The following TTN variants were observed in gnomAD, a reference collection of about 807,000 sequenced individuals.
TTN encodes connectin.
In TTN, 1,525 loss-of-function variants were observed where a neutral mutation model predicts 3,223.0. That is an observed-to-expected ratio of 0.47 (90% CI 0.45 to 0.49). The LOEUF (loss-of-function observed/expected upper bound fraction) is 0.49, where lower values mean the gene tolerates loss of function less well. Ranked by LOEUF, TTN falls within the 20% of genes least tolerant of loss-of-function variation. TTN has a pLI of 0.00. For missense variants in TTN, 40,786 were observed against 43,424.0 expected, an observed-to-expected ratio of 0.94 and a Z score of 5.40; for synonymous variants, 14,094 against 15,161.0, an observed-to-expected ratio of 0.93 and a Z score of 5.17.
intron 163 of TTN, among the ~76,000 whole-genome samples, chr2:178,666,351 A>ATGT (rs1553797595): frequency 6.6e-6 from 1 of 151,800 alleles, no homozygotes. Flanking sequence ...AATGAAAAAA[A>ATGT]ATGATGCTTG....
At chr2:178,793,162 C>T (rs139935937) in intron 9 of TTN, among the ~76,000 whole-genome samples, 111 of 152,234 alleles carry the variant, frequency 7.3e-4, no homozygotes, top group African/African-American at 2.6e-3. Flanking sequence ...GTGATGAGAC[C>T]CCTGTTTCTA....
At position 178,546,641 on chromosome 2, in the gene TTN, C is replaced by G; in HGVS notation, c.94787G>C (p.Gly31596Ala). 6.2e-7 allele frequency: 1 copy of G among 1,613,384 alleles called. No homozygotes were observed. The highest frequency in any genetic ancestry group is 8.5e-7 in the Non-Finnish European group (1 of 1,179,484). ...AKNAAGVISK[G>A]SESTGPVTCR... ...AGTGACAGGGCCTGTAGATTCAGAC[C>G]CTTTGCTAATTACGCCTGCTGCATT... Residue 31596 changes from glycine (G) to alanine (A), a missense_variant, in exon 341 of 363, where the codon GGG (glycine) becomes GCG (alanine). Gly to Ala is a moderately conservative substitution (Grantham distance 60, BLOSUM62 0). Transcript: ENST00000589042.
At chr2:178,733,167 C>T (rs778802872) in intron 54 of TTN, 46 bp from the exon 55 acceptor site, 1 of 1,558,044 alleles carries the variant, frequency 6.4e-7, no homozygotes, top group South Asian at 1.2e-5. Context: ...TAGAAGAGTG[C>T]TCAGTGATTG....
chr2:178,647,842 T>C (rs1363810804), intron 213 of TTN, among the ~76,000 whole-genome samples: 2 of 152,156 alleles, frequency 1.3e-5, no homozygotes, highest in African/African-American at 4.8e-5. Flanking sequence ...TTTTATGCTT[T>C]AAAGGTGAAA....
At position 178,610,104 on chromosome 2, in the gene TTN, G is replaced by T; in HGVS notation, c.51422C>A (p.Ala17141Asp). The T allele has an allele frequency of 6.2e-7, 1 of 1,612,756 alleles. No individual in the cohort carries two copies. Among genetic ancestry groups the T allele is most frequent in the East Asian group, 2.2e-5 (1 of 44,628 alleles). ...EYIELKNPVI[A>D]QDPKQPPDPP... ...TCCAAACTTACGCTTTGGATCTTGA[G>T]CAATGACTGGATTTTTCAGTTCAAT... Residue 17141 changes from alanine to aspartate, a missense_variant, in exon 271 of 363, where the codon GCT (alanine) becomes GAT (aspartate). Transcript: ENST00000589042.
Position 178,730,195 on chromosome 2 carries a change from G to T in TTN, c.18205C>A (p.Leu6069Ile). The T allele has an allele frequency of 6.2e-7, 1 of 1,613,494 alleles. No homozygotes were observed. Among genetic ancestry groups the T allele is most frequent in the South Asian group, 1.1e-5 (1 of 91,054 alleles). Reference sequence around the variant, plus strand: ...GTAGCTTTGGCTGCAAAGAGCTCTAGACTGGTAGAGGTGTCATCCTTCCAA... The same window carrying T: ...GTAGCTTTGGCTGCAAAGAGCTCTATACTGGTAGAGGTGTCATCCTTCCAA... ...SVWKDDTSTS[L>I]ELFAAKATDS... The change falls in exon 62 of 363, where the codon CTA becomes ATA. Residue 6069 changes from leucine to isoleucine, a missense_variant. By Grantham distance (5) the Leu-to-Ile change is conservative. Transcript: ENST00000589042.
At chr2:178,685,080 G>T in intron 129 of TTN, 91 bp from the exon 130 acceptor site, 1 of 1,222,296 alleles carries the variant, frequency 8.2e-7, no homozygotes, top group Non-Finnish European at 1.2e-6. Context: ...TGAAAAGATT[G>T]CACATATATA....
rs1285315927 is a variant in TTN, at chr2:178,704,706, GTCAATT to G, written c.29760_29765del (p.Glu9920_Ile9921del). ...TGATTTCTGGATAATTAATTTTAAT[GTCAATT>G]TCAAAGACAGCATCATTATCTTTCA... On this transcript the variant is annotated inframe_deletion, in exon 105 of 363. Coordinates refer to ENST00000589042, the MANE Select transcript of TTN (RefSeq NM_001267550.2). The G allele has an allele frequency of 1.2e-6, 2 of 1,611,148 alleles. No individual in the cohort carries two copies. The highest frequency in any genetic ancestry group is 1.7e-6 in the Non-Finnish European group (2 of 1,179,168).
At chr2:178,588,337 C>G (rs970245586) in intron 304 of TTN, 118 bp from the exon 305 acceptor site, 1 of 1,152,298 alleles carries the variant, frequency 8.7e-7, no homozygotes, top group Admixed American at 3.2e-5. Flanking sequence ...TTAGTGTCCT[C>G]TTTATTTTCC....
Position 178,684,369 on chromosome 2 carries a change from C to T in TTN, c.32683G>A (p.Val10895Ile), listed in dbSNP as rs794729408. The T allele has an allele frequency of 6.2e-7, 1 of 1,613,396 alleles. No individual in the cohort carries two copies. The highest frequency in any genetic ancestry group is 1.1e-5 in the South Asian group (1 of 91,032). Reference sequence around the variant, plus strand: ...GGCGCCTCTTTTTTAGTTACAGCAACAAGAACTTTTTCTTCCTGGGTAATT... The same window carrying T: ...GGCGCCTCTTTTTTAGTTACAGCAATAAGAACTTTTTCTTCCTGGGTAATT... ...MQITQEEKVL[V>I]AVTKKEAPPK... The change falls in exon 132 of 363, where the codon GTT becomes ATT. Residue 10895 changes from valine to isoleucine, a missense_variant. Physicochemically the swap from Val to Ile is conservative, Grantham distance 29. Transcript: ENST00000589042.
chr2:178,620,813 A>T lies in TTN; in HGVS notation c.45797T>A (p.Ile15266Asn), dbSNP rs1214768698. 6.2e-7 allele frequency: 1 copy of T among 1,612,804 alleles called. No homozygotes were observed. The highest frequency in any genetic ancestry group is 2.2e-5 in the East Asian group (1 of 44,754). Residue 15266 changes from isoleucine to asparagine, a missense_variant, in exon 247 of 363, where the codon ATT becomes AAT. Coordinates refer to ENST00000589042, the MANE Select transcript of TTN (RefSeq NM_001267550.2). ...LQKDLVYTLR[I>N]RDAHLDDQAN... ...TTGGTCATCTAAGTGTGCATCTCTA[A>T]TTCTGAGGGTGTAGACTAGGTCTTT...
In TTN at chr2:178,565,548, T is replaced by G; in HGVS notation, c.80584A>C (p.Ser26862Arg). 3 of 1,613,598 alleles carry G rather than the reference T, an allele frequency of 1.9e-6. No homozygotes were observed. The highest frequency in any genetic ancestry group is 1.7e-6 in the Non-Finnish European group (2 of 1,179,630). Residue 26862 changes from serine to arginine, a missense_variant, in exon 326 of 363, where the codon AGC becomes CGC. Physicochemically the swap from Ser to Arg is moderately radical, Grantham distance 110. Coordinates refer to ENST00000589042, the MANE Select transcript of TTN (RefSeq NM_001267550.2). ...GGAACACCCAACACTCTTGGATCGC[T>G]TTTTCCTTTCTCATTATAAGCCTTG... Reference protein sequence around the residue: ...RVKAYNEKGKSDPRVLGVPVI... With the variant: ...RVKAYNEKGKRDPRVLGVPVI...
Position 178,719,793 on chromosome 2 carries a change from A to G in TTN, c.23699T>C (p.Val7900Ala). ...TAATGCAAAAGGATTTCCAGTAGTG[A>G]CAGTCATGGGTTCGGGCTTCTCTAT... ...RIIEKPEPMT[V>A]TTGNPFALEC... The change falls in exon 82 of 363, where the codon GTC (valine) becomes GCC (alanine). Residue 7900 changes from valine to alanine, a missense_variant. Coordinates refer to ENST00000589042, the MANE Select transcript of TTN (RefSeq NM_001267550.2). 2 of 1,613,202 alleles carry G rather than the reference A, an allele frequency of 1.2e-6. No homozygotes were observed. Among genetic ancestry groups the G allele is most frequent in the Non-Finnish European group, 1.7e-6 (2 of 1,179,344 alleles).
rs369002632 is a variant in TTN at position 178,652,115 on chromosome 2, C to T, written c.39276G>A (p.Pro13092=). 93 of 1,612,544 alleles carry T rather than the reference C, an allele frequency of 5.8e-5. No homozygotes were observed. The highest frequency in any genetic ancestry group is 7.0e-5 in the Non-Finnish European group (83 of 1,179,612). The change falls in exon 204 of 363, where the codon CCG becomes CCA. Residue 13092 remains proline, a synonymous_variant. Coordinates refer to ENST00000589042, the MANE Select transcript of TTN (RefSeq NM_001267550.2). ...KKVPEAIPPK[P]ESPPPEVFEE... ...TATTACCTTCAGGGGGAGGACTTTC[C>T]GGTTTGGGAGGAATAGCTTCAGGCA... is the stretch of plus-strand genomic sequence containing the variant.
Position 178,598,544 on chromosome 2 carries a change from C to A in TTN, c.57073G>T (p.Val19025Phe). The change falls in exon 292 of 363, where the codon GTT becomes TTT. Residue 19025 changes from valine (V) to phenylalanine (F), a missense_variant. By Grantham distance (50) the Val-to-Phe change is conservative (BLOSUM62 -1). Coordinates refer to ENST00000589042, the MANE Select transcript of TTN (RefSeq NM_001267550.2). ...DGGSKVTGYI[V>F]EYKEEGKEEW... ...TCTTTTCCTTCTTCTTTATATTCAACGATGTATCCAGTTACTTTGGATCCA... is the reference window on the plus strand; with the variant it reads ...TCTTTTCCTTCTTCTTTATATTCAAAGATGTATCCAGTTACTTTGGATCCA... 1 of 1,608,804 alleles carries A rather than the reference C, an allele frequency of 6.2e-7. No homozygotes were observed.
chr2:178,620,906 C>T lies in TTN; in HGVS notation c.45704G>A (p.Gly15235Asp), dbSNP rs376949328. ...ATTTCTGAACCATTTGGCTTTGGCA[C>T]CTTCAGTATTGACTTCACAGTTGAA... The part of the protein sequence containing the change: ...VVFNCEVNTE[G>D]AKAKWFRNEE... Residue 15235 changes from glycine to aspartate, a missense_variant, in exon 247 of 363, where the codon GGT becomes GAT. Coordinates refer to ENST00000589042, the MANE Select transcript of TTN (RefSeq NM_001267550.2). 3 of 1,612,458 alleles carry T rather than the reference C, an allele frequency of 1.9e-6. No individual in the cohort carries two copies. The highest frequency in any genetic ancestry group is 1.3e-5 in the African/African-American group (1 of 74,908).
chr2:178,672,037 T>C lies in TTN; in HGVS notation c.35161A>G (p.Arg11721Gly). Residue 11721 changes from arginine to glycine, a missense_variant, in exon 155 of 363, where the codon AGG becomes GGG. Physicochemically the swap from Arg to Gly is moderately radical, Grantham distance 125 (BLOSUM62 -2). Coordinates refer to ENST00000589042, the MANE Select transcript of TTN (RefSeq NM_001267550.2). Reference sequence around the variant, plus strand: ...TCAGCCTCAAAAACTTCTATTACCCTATGAACTTTTTCAACTCTGTGTTCT... The same window carrying C: ...TCAGCCTCAAAAACTTCTATTACCCCATGAACTTTTTCAACTCTGTGTTCT... ...EEEHRVEKVH[R>G]VIEVFEAEEV... The C allele has an allele frequency of 6.2e-7, 1 of 1,611,174 alleles. No homozygotes were observed. The highest frequency in any genetic ancestry group is 8.5e-7 in the Non-Finnish European group (1 of 1,178,842).
At chr2:178,747,691 G>C (rs1020845069) in intron 47 of TTN, 1 of 1,612,658 alleles carries the variant, frequency 6.2e-7, no homozygotes, top group Non-Finnish European at 8.5e-7. Flanking sequence ...GTGTTAGGGA[G>C]GTCTCAGATT....
chr2:178,802,414 T>G, intron 2 of TTN, 73 bp from the exon 3 acceptor site: 2 of 1,520,108 alleles, frequency 1.3e-6, no homozygotes, highest in South Asian at 2.4e-5. Context: ...CCCATCATGT[T>G]CACTGCCTTG....
Sources: allele counts gnomAD v4.1 joint callset (sites outside exome capture counted in the v4.1 genomes callset), GRCh38; gene constraint gnomAD v4.1.1; transcripts MANE v1.5; gene names NCBI Gene and HGNC (gene_info 2026-07-23, HGNC 2026-07-21).